XKR9: variants seen among roughly 807,000 people sequenced by gnomAD.
XKR9 encodes XK-related protein 9.
In XKR9, 32 loss-of-function variants were observed where a neutral mutation model predicts 32.0. The ratio of observed to expected loss-of-function variants is 1.00; its 90% CI spans 0.76 to 1.34. The LOEUF (loss-of-function observed/expected upper bound fraction) is 1.34, where lower values mean the gene tolerates loss of function less well. Ranked by LOEUF, XKR9 falls within the 40% of genes most tolerant of loss-of-function variation. The pLI, the probability that XKR9 is intolerant of heterozygous loss-of-function variation, is 0.00. For synonymous variants in XKR9, 168 were observed against 143.4 expected (o/e 1.17, Z -1.22); for missense variants, 546 against 429.7 (o/e 1.27, Z -2.39).
the XKR9 span, among the ~76,000 whole-genome samples, chr8:70,900,578 G>A: frequency 6.6e-6 from 1 of 151,950 alleles, no homozygotes; most frequent in East Asian, 1.9e-4. Context: ...AAAAGAGTGA[G>A]ACTCTGTCTA....
chr8:70,902,607 A>T, the XKR9 span, among the ~76,000 whole-genome samples: 1 of 150,516 alleles, frequency 6.6e-6, no homozygotes, highest in Non-Finnish European at 1.5e-5. Flanking sequence ...AAACAGGGAA[A>T]ATTTGAATAC....
the XKR9 span, among the ~76,000 whole-genome samples, chr8:70,846,008 G>A: frequency 6.2e-4 from 94 of 152,216 alleles, no homozygotes; most frequent in Non-Finnish European, 1.1e-3. Context: ...TAGTCAAACT[G>A]TCAAAAGTCA....
the XKR9 span, among the ~76,000 whole-genome samples, chr8:70,875,590 T>A: frequency 6.6e-6 from 1 of 152,190 alleles, no homozygotes; most frequent in East Asian, 1.9e-4. Context: ...TGTTCAAGGA[T>A]GGTTAATATC....
chr8:70,918,848 G>C, the XKR9 span, among the ~76,000 whole-genome samples: 83 of 131,908 alleles, frequency 6.3e-4, 2 homozygotes, highest in Non-Finnish European at 1.6e-4. Context: ...CGCTGTCTCG[G>C]CTCACTGCAA....
Position 70,735,530 on chromosome 8 carries a change from G to C in XKR9, c.*1106G>C, listed in dbSNP as rs958598961. 6.6e-6 allele frequency: 1 copy of C among 151,094 alleles called. No homozygotes were observed. The highest frequency in any genetic ancestry group is 1.5e-5 in the Non-Finnish European group (1 of 67,812). 9.4% of individuals were successfully genotyped at this position (151,094 alleles called of 1,614,324 possible). On this transcript the variant is annotated 3_prime_UTR_variant, in exon 5 of 5. Coordinates refer to ENST00000408926, the MANE Select transcript of XKR9 (RefSeq NM_001011720.2). ...CACAATGTGCAGGTTAGTTACATATGTATACATGTGCCATGCTGGTGTGCT... is the reference window on the plus strand; with the variant it reads ...CACAATGTGCAGGTTAGTTACATATCTATACATGTGCCATGCTGGTGTGCT...
At chr8:70,851,654 AG>A in the XKR9 span, among the ~76,000 whole-genome samples, 1 of 152,222 alleles carries the variant, frequency 6.6e-6, no homozygotes, top group African/African-American at 2.4e-5. Context: ...CTGATCTTCA[AG>A]AAGCCTGACA....
the XKR9 span, among the ~76,000 whole-genome samples, chr8:70,890,644 G>C: frequency 1.3e-5 from 2 of 151,902 alleles, no homozygotes; most frequent in African/African-American, 4.8e-5. Context: ...TGTGTTCCTG[G>C]GATAAATTCC....
At chr8:70,849,886 C>T in the XKR9 span, among the ~76,000 whole-genome samples, 1 of 152,024 alleles carries the variant, frequency 6.6e-6, no homozygotes, top group East Asian at 1.9e-4. Flanking sequence ...GGATAAATTT[C>T]TGGACACATA....
At chr8:70,879,069 A>C in the XKR9 span, among the ~76,000 whole-genome samples, 1 of 152,166 alleles carries the variant, frequency 6.6e-6, no homozygotes, top group Admixed American at 6.5e-5. Flanking sequence ...GGTAAATAAC[A>C]AAATGAAGGT....
chr8:70,847,967 C>T, the XKR9 span, among the ~76,000 whole-genome samples: 2 of 151,998 alleles, frequency 1.3e-5, no homozygotes, highest in Non-Finnish European at 1.5e-5. Flanking sequence ...ACTTATTCTA[C>T]AAGGCCAACA....
At chr8:70,675,414 G>T (rs1165043094) in intron 2 of XKR9, among the ~76,000 whole-genome samples, 1 of 152,174 alleles carries the variant, frequency 6.6e-6, no homozygotes, top group Non-Finnish European at 1.5e-5. Context: ...GCAAGTGGTT[G>T]CTGTACAGCC....
the XKR9 span, among the ~76,000 whole-genome samples, chr8:70,867,301 G>C: frequency 6.6e-6 from 1 of 152,112 alleles, no homozygotes; most frequent in African/African-American, 2.4e-5. Context: ...CCTCCCACCA[G>C]GTCCCTCCCA....
chr8:70,754,220 T>C (rs930097161), intron 2 of XKR9, among the ~76,000 whole-genome samples: 1 of 147,760 alleles, frequency 6.8e-6, no homozygotes, highest in Non-Finnish European at 1.5e-5. Flanking sequence ...ATGTGAAGGA[T>C]CTCTTCAAGG....
At chr8:71,062,570 A>G in the XKR9 span, among the ~76,000 whole-genome samples, 1 of 152,196 alleles carries the variant, frequency 6.6e-6, no homozygotes, top group Non-Finnish European at 1.5e-5. Flanking sequence ...TAGCACAGAG[A>G]GAGACATCAT....
chr8:71,027,168 G>A, the XKR9 span, among the ~76,000 whole-genome samples: 1 of 151,532 alleles, frequency 6.6e-6, no homozygotes, highest in Non-Finnish European at 1.5e-5. Context: ...TCAGCTGTTG[G>A]GACCAGTAGA....
intron 2 of XKR9, among the ~76,000 whole-genome samples, chr8:70,758,048 CTA>C (rs1215644449): frequency 6.6e-6 from 1 of 152,120 alleles, no homozygotes; most frequent in African/African-American, 2.4e-5. Flanking sequence ...TTGTTGGTAA[CTA>C]TTTTTGATAA....
At chr8:70,960,065 A>G in the XKR9 span, among the ~76,000 whole-genome samples, 2 of 152,148 alleles carry the variant, frequency 1.3e-5, no homozygotes, top group East Asian at 3.9e-4. Context: ...CCCTGTCTCT[A>G]CTAAAAATAC....
intron 2 of XKR9, among the ~76,000 whole-genome samples, chr8:70,678,429 C>T (rs1818954606): frequency 6.6e-6 from 1 of 152,128 alleles, no homozygotes; most frequent in African/African-American, 2.4e-5. Context: ...CCTTGATTAT[C>T]TTTCTGTGCT....
chr8:70,671,277 C>A (rs948635898), intron 1 of XKR9, among the ~76,000 whole-genome samples: 6 of 152,156 alleles, frequency 3.9e-5, no homozygotes, highest in Admixed American at 3.3e-4. Context: ...TGGATTATTT[C>A]ACTTATCATA....
Sources: gnomAD v4.1 joint callset for allele counts (sites outside exome capture counted in the v4.1 genomes callset) on GRCh38, gnomAD v4.1.1 for gene constraint, MANE v1.5 for transcripts, NCBI Gene and HGNC (gene_info 2026-07-23, HGNC 2026-07-21) for gene names.